USP39: variants seen among roughly 807,000 people sequenced by gnomAD.
USP39 encodes the protein ubiquitin carboxyl-terminal hydrolase 39.
USP39 carries 38 observed loss-of-function variants against 66.4 expected under a neutral mutation model. The ratio of observed to expected loss-of-function variants is 0.57; its 90% confidence interval spans 0.44 to 0.75. The LOEUF is 0.75. USP39 is among the 30% of genes least tolerant of loss of function. The pLI, the probability that USP39 is intolerant of heterozygous loss-of-function variation, is 0.00. For missense variants in USP39, 608 were observed against 714.4 expected (o/e 0.85, Z 1.70); for synonymous variants, 303 against 274.6 (o/e 1.10, Z -1.02).
At chr2:85,641,396 G>A (rs1335598966) in intron 10 of USP39, among the ~76,000 whole-genome samples, 1 of 152,170 alleles carries the variant, frequency 6.6e-6, no homozygotes, top group African/African-American at 2.4e-5. Context: ...ATGCAAGTAG[G>A]ATAAGACAGG....
intron 2 of USP39, 62 bp downstream of exon 2, chr2:85,619,351 T>C (rs1272177276): frequency 4.5e-6 from 7 of 1,562,814 alleles, no homozygotes; most frequent in Non-Finnish European, 6.1e-6. Context: ...AGAAAGTTTT[T>C]GGACTGTACA....
At chr2:85,618,591 C>T (rs188893753) in intron 1 of USP39, among the ~76,000 whole-genome samples, 81 of 148,678 alleles carry the variant, frequency 5.4e-4, no homozygotes, top group African/African-American at 1.9e-3. Context: ...AAAAACGAAA[C>T]ACACAACTAT....
At chr2:85,609,064 C>T (rs1673335065), upstream of USP39, 1 of 1,614,064 alleles carries the variant, frequency 6.2e-7, no homozygotes, top group Admixed American at 1.7e-5. Context: ...CCTGGGTCAT[C>T]ACCCTACGTG....
At chr2:85,621,346 C>G in intron 2 of USP39, 139 bp from the exon 3 acceptor site, 1 of 658,672 alleles carries the variant, frequency 1.5e-6, no homozygotes, top group Non-Finnish European at 2.6e-6. Context: ...AATCAGTGTC[C>G]CCCATGGTGT....
intron 2 of USP39, 40 bp from the exon 3 acceptor site, chr2:85,621,445 A>G (rs749786880): frequency 1.3e-6 from 2 of 1,584,290 alleles, no homozygotes; most frequent in South Asian, 1.1e-5. Context: ...GCCTTCCTAC[A>G]TGTCCATCCT....
At chr2:85,611,964 G>T, upstream of USP39, 1 of 1,545,288 alleles carries the variant, frequency 6.5e-7, no homozygotes. Context: ...GCCCCGGCCG[G>T]GGATGCGGCC....
At chr2:85,635,953 G>T in intron 6 of USP39, 100 bp from the exon 7 acceptor site, 2 of 1,124,784 alleles carry the variant, frequency 1.8e-6, no homozygotes, top group South Asian at 2.5e-5. Flanking sequence ...GGCATGGCCA[G>T]AGAGGAAGGG....
intron 6 of USP39, 114 bp from the exon 7 acceptor site, chr2:85,635,939 G>A (rs2104320004): frequency 1.1e-6 from 1 of 950,654 alleles, no homozygotes; most frequent in Non-Finnish European, 1.7e-6. Flanking sequence ...AGTTGGGATG[G>A]GATGGCATGG....
chr2:85,632,211 T>G (rs2104302871), intron 6 of USP39, among the ~76,000 whole-genome samples: 1 of 152,254 alleles, frequency 6.6e-6, no homozygotes, highest in South Asian at 2.1e-4. Context: ...GCAGCAGGGA[T>G]AAGAAACACG....
upstream of USP39, chr2:85,609,149 G>T: frequency 6.4e-7 from 1 of 1,554,894 alleles, no homozygotes; most frequent in Non-Finnish European, 8.7e-7. Context: ...CACTCTCACA[G>T]AACTCCATTT....
upstream of USP39, among the ~76,000 whole-genome samples, chr2:85,615,546 G>C (rs947438542): frequency 2.0e-5 from 3 of 152,132 alleles, no homozygotes; most frequent in African/African-American, 7.2e-5. Flanking sequence ...TAGTTTTCCT[G>C]TGCAGGATTG....
upstream of USP39, chr2:85,612,318 A>G: frequency 6.5e-7 from 1 of 1,535,970 alleles, no homozygotes; most frequent in Non-Finnish European, 8.7e-7. Context: ...CATCTATAAC[A>G]CAACTCGATG....
In USP39 at chr2:85,607,023, T is replaced by A. The variant is rs368712920; in HGVS notation, n.226+3942T>A. On this transcript the variant is annotated intron_variant and non_coding_transcript_variant, in intron 1 of 12. Transcript: ENST00000459775. Reference sequence around the variant, plus strand: ...CGGTCTGGATCTCCTGATTTCATGATCCGCCCGCCTCGGCCTCCCTACCTC... The same window carrying A: ...CGGTCTGGATCTCCTGATTTCATGAACCGCCCGCCTCGGCCTCCCTACCTC... 7 of 152,262 alleles carry A rather than the reference T, an allele frequency of 4.6e-5. No homozygotes were observed. The East Asian group carries it at 7.7e-4, about 17-fold the overall frequency. 9.4% of individuals were successfully genotyped at this position (152,262 alleles called of 1,614,324 possible). A position where few individuals can be genotyped will look rare whatever the true frequency, so the allele number is the denominator to read the frequency against.
At chr2:85,645,870 C>A (rs995726642) in intron 11 of USP39, 1 of 152,228 alleles carries the variant, frequency 6.6e-6, no homozygotes. Flanking sequence ...AATCCTCCCG[C>A]CTCAGCTTCT....
At chr2:85,623,264 G>A (rs940733751) in intron 3 of USP39, among the ~76,000 whole-genome samples, 13 of 151,820 alleles carry the variant, frequency 8.6e-5, no homozygotes, top group African/African-American at 3.1e-4. Flanking sequence ...ATGTTTATGT[G>A]TATTTATGCA....
intron 6 of USP39, among the ~76,000 whole-genome samples, chr2:85,631,637 A>G (rs1675347614): frequency 6.6e-6 from 1 of 152,194 alleles, no homozygotes; most frequent in African/African-American, 2.4e-5. Flanking sequence ...GCTTAGGGAA[A>G]TACCAGGAGG....
intron 7 of USP39, 62 bp from the exon 8 acceptor site, chr2:85,637,307 A>G: frequency 6.4e-7 from 1 of 1,574,050 alleles, no homozygotes; most frequent in Non-Finnish European, 8.7e-7. Context: ...AGAAGCTGGA[A>G]ATATACTTCA....
intron 1 of USP39, among the ~76,000 whole-genome samples, chr2:85,616,839 G>A (rs1674016264): frequency 1.3e-5 from 2 of 151,690 alleles, no homozygotes; most frequent in Non-Finnish European, 2.9e-5. Flanking sequence ...CACCGCTCCC[G>A]CCACCACGCC....
chr2:85,625,443 T>C, intron 4 of USP39, 96 bp from the exon 5 acceptor site: 1 of 1,534,538 alleles, frequency 6.5e-7, no homozygotes, highest in Non-Finnish European at 8.9e-7. Context: ...GGGATGTTCA[T>C]GGCCAAGTGT....
Sources: allele counts gnomAD v4.1 joint callset (sites outside exome capture counted in the v4.1 genomes callset), GRCh38; gene constraint gnomAD v4.1.1; transcripts MANE v1.5; gene names NCBI Gene and HGNC (gene_info 2026-07-23, HGNC 2026-07-21).